NTN1: variants seen among roughly 807,000 people sequenced by gnomAD.
The protein encoded by NTN1 is netrin-1.
A neutral mutation model predicts 54.2 loss-of-function variants in NTN1; 11 were observed. That is an observed-to-expected ratio of 0.20 (90% CI 0.13 to 0.34). NTN1 has a LOEUF of 0.34. NTN1 is among the 10% of genes least tolerant of loss of function. The pLI is 1.00. For synonymous variants in NTN1, 371 were observed against 382.0 expected, an observed-to-expected ratio of 0.97 and a Z score of 0.33; for missense variants, 740 against 893.1, an observed-to-expected ratio of 0.83 and a Z score of 2.18.
chr17:9,237,627 C>A (rs889064823), intron 6 of NTN1, among the ~76,000 whole-genome samples: 1 of 152,162 alleles, frequency 6.6e-6, no homozygotes, highest in Non-Finnish European at 1.5e-5. Context: ...CTGGGGACAC[C>A]ACAGCTGTAC....
At chr17:9,065,808 C>T (rs2092013366) in intron 2 of NTN1, among the ~76,000 whole-genome samples, 1 of 152,182 alleles carries the variant, frequency 6.6e-6, no homozygotes, top group Admixed American at 6.5e-5. Context: ...ATCACTTTAC[C>T]ATCTACTGAT....
At chr17:9,172,501 T>C (rs1457513178) in intron 3 of NTN1, among the ~76,000 whole-genome samples, 1 of 151,756 alleles carries the variant, frequency 6.6e-6, no homozygotes, top group Non-Finnish European at 1.5e-5. Context: ...GCTCCTTCTG[T>C]AAGACAAGCC....
chr17:9,156,707 A>G (rs1301764662), intron 2 of NTN1, among the ~76,000 whole-genome samples: 1 of 152,196 alleles, frequency 6.6e-6, no homozygotes, highest in African/African-American at 2.4e-5. Context: ...TTTTCTCTCT[A>G]AAGCACAGCA....
At chr17:9,154,191 C>T (rs566639262) in intron 2 of NTN1, among the ~76,000 whole-genome samples, 36 of 152,318 alleles carry the variant, frequency 2.4e-4, no homozygotes, top group African/African-American at 2.4e-4. Flanking sequence ...GAGACCACAG[C>T]GGCAGCAGCA....
intron 3 of NTN1, 138 bp downstream of exon 3, chr17:9,163,139 C>T (rs762668002): frequency 2.8e-6 from 2 of 723,186 alleles, no homozygotes; most frequent in Non-Finnish European, 4.4e-6. Flanking sequence ...CTCTCTTTCT[C>T]TCTCTGTGAC....
At chr17:9,104,448 C>G in intron 2 of NTN1, among the ~76,000 whole-genome samples, 1 of 152,102 alleles carries the variant, frequency 6.6e-6, no homozygotes, top group East Asian at 1.9e-4. Flanking sequence ...CAAAGACACA[C>G]GAGCAGAAGC....
In NTN1 at chr17:9,165,801, G is replaced by A. The variant is rs2092371533; in HGVS notation, c.1207+2800G>A. 6.6e-6 allele frequency among the ~76,000 whole-genome samples: 1 copy of A among 152,192 alleles called. No individual in the cohort carries two copies. The highest frequency in any genetic ancestry group is 2.1e-4 in the South Asian group (1 of 4,826). The stretch of plus-strand genomic sequence containing the variant: ...AAATATTTGCCACCTGATTGGTGAG[G>A]AAAGACAGGGCTTTGAGGTTTCTGC... On this transcript the variant is annotated intron_variant, in intron 3 of 6. Coordinates refer to ENST00000173229, the MANE Select transcript of NTN1 (RefSeq NM_004822.3). The surrounding 1 kb of genome is among the most constrained non-coding windows in gnomAD (Gnocchi z 4.5).
chr17:9,227,532 CAG>C (rs1400789182), intron 6 of NTN1, among the ~76,000 whole-genome samples: 4 of 145,638 alleles, frequency 2.7e-5, no homozygotes, highest in East Asian at 2.0e-4. Context: ...ACATCAAACA[CAG>C]ATACACCATC....
chr17:9,098,739 T>A (rs770415758), intron 2 of NTN1, among the ~76,000 whole-genome samples: 1 of 152,110 alleles, frequency 6.6e-6, no homozygotes, highest in Non-Finnish European at 1.5e-5. Flanking sequence ...ATGTAAATCG[T>A]AGGGGAGATT....
chr17:9,047,255 C>T (rs1394226524), intron 2 of NTN1, among the ~76,000 whole-genome samples: 1 of 152,192 alleles, frequency 6.6e-6, no homozygotes, highest in Admixed American at 6.5e-5. Flanking sequence ...ACTCACTCTT[C>T]CTTTCATGAA....
At chr17:9,167,268 G>C (rs1567726873) in intron 3 of NTN1, among the ~76,000 whole-genome samples, 1 of 152,156 alleles carries the variant, frequency 6.6e-6, no homozygotes, top group African/African-American at 2.4e-5. Context: ...AGGAGGTTTT[G>C]TTTACCATTT....
intron 2 of NTN1, among the ~76,000 whole-genome samples, chr17:9,035,406 A>G (rs1037910590): frequency 6.6e-6 from 1 of 151,932 alleles, no homozygotes; most frequent in Non-Finnish European, 1.5e-5. Context: ...GTATTTCTCC[A>G]CTCCACTTAC....
At chr17:9,178,233 T>A (rs2092406669) in intron 3 of NTN1, among the ~76,000 whole-genome samples, 1 of 152,152 alleles carries the variant, frequency 6.6e-6, no homozygotes, top group Admixed American at 6.5e-5. Context: ...TACTTCTATC[T>A]ATAAGAAGCA....
At chr17:9,049,000 T>C (rs2091950744) in intron 2 of NTN1, among the ~76,000 whole-genome samples, 1 of 152,196 alleles carries the variant, frequency 6.6e-6, no homozygotes, top group Non-Finnish European at 1.5e-5. Context: ...TTTCCTGGCT[T>C]AATGAAGTAA....
intron 2 of NTN1, among the ~76,000 whole-genome samples, chr17:9,143,380 G>T (rs1472619461): frequency 6.6e-6 from 1 of 152,194 alleles, no homozygotes; most frequent in Non-Finnish European, 1.5e-5. Context: ...GCTCACGGGG[G>T]TGCATTTTGC....
chr17:9,239,993 G>GGGCC lies in NTN1; in HGVS notation c.*28_*29insCGGC, dbSNP rs1906140392. ...GCGCCGAGGCAGCGGGCGGGCGGGC[G>GGGCC]GGCGGGCGCCAGGGCGGGGCCGAGC... On this transcript the variant is annotated 3_prime_UTR_variant, in exon 7 of 7. Transcript: ENST00000173229. The surrounding 1 kb of genome is among the most constrained non-coding windows in gnomAD (Gnocchi z 5.2). 2.1e-5 allele frequency: 5 copies of GGGCC among 240,338 alleles called. 1 individual carries two copies. Among genetic ancestry groups the GGGCC allele is most frequent in the African/African-American group, 4.8e-5 (2 of 42,080 alleles). The allele number at this position is 240,338 out of a possible 1,614,324, so 14.9% of individuals were successfully genotyped here.
chr17:9,162,294 G>A (rs1001189716), intron 2 of NTN1, among the ~76,000 whole-genome samples: 4 of 152,200 alleles, frequency 2.6e-5, no homozygotes, highest in African/African-American at 9.6e-5. Context: ...GGGCTGAAAC[G>A]CTAGACGTTT....
Position 9,239,629 on chromosome 17 carries a change from C to T in NTN1, c.1487-11C>T, listed in dbSNP as rs1267991455. ...CTGGGAGCCCACCCGTCTGCCTGTG[C>T]TTCCTTGCAGCCGTCCAGATCCACA... On this transcript the variant is annotated splice_polypyrimidine_tract_variant and intron_variant, in intron 6 of 6. Coordinates refer to ENST00000173229, the MANE Select transcript of NTN1 (RefSeq NM_004822.3). This position sits in a 1 kb window ranked among gnomAD's most constrained non-coding sequence, Gnocchi z 5.2. 4 of 1,599,972 alleles carry T rather than the reference C, an allele frequency of 2.5e-6. No homozygotes were observed. In the East Asian group the frequency reaches 6.7e-5, roughly 27 times the overall value.
chr17:9,068,797 C>T (rs563759422), intron 2 of NTN1, among the ~76,000 whole-genome samples: 3 of 152,046 alleles, frequency 2.0e-5, no homozygotes, highest in Non-Finnish European at 2.9e-5. Context: ...CATAAGCCAC[C>T]GCGCCTGGCC....
Sources: allele counts gnomAD v4.1 joint callset (sites outside exome capture counted in the v4.1 genomes callset), GRCh38; gene constraint gnomAD v4.1.1; non-coding constraint Gnocchi (gnomAD v3.1); transcripts MANE v1.5; gene names NCBI Gene and HGNC (gene_info 2026-07-23, HGNC 2026-07-21).